SSBP2: variants seen among roughly 807,000 people sequenced by gnomAD.
SSBP2 encodes single-stranded DNA-binding protein 2.
Under a neutral mutation model 61.8 loss-of-function variants are expected in SSBP2, and 17 were observed. The observed-to-expected ratio is 0.28, with a 90% CI of 0.19 to 0.41. The LOEUF is 0.41. Ranked by LOEUF, SSBP2 falls within the 10% of genes least tolerant of loss-of-function variation. The pLI is 1.00. For missense variants in SSBP2, 310 were observed against 458.7 expected (o/e 0.68, Z 2.96); for synonymous variants, 139 against 141.3 (o/e 0.98, Z 0.12).
chr5:81,570,455 GT>G (rs1380247148), intron 4 of SSBP2, among the ~76,000 whole-genome samples: 3 of 152,186 alleles, frequency 2.0e-5, no homozygotes, highest in Non-Finnish European at 4.4e-5. Flanking sequence ...AGAACTATGT[GT>G]AATGAACAAT....
At position 81,483,679 on chromosome 5, in the gene SSBP2, C is replaced by T. The variant is rs144742881; in HGVS notation, c.432+5571G>A. Among the ~76,000 whole-genome samples the T allele has an allele frequency of 8.9e-3, 1,357 of 151,966 alleles. 21 individuals carry two copies. The highest frequency in any genetic ancestry group is 0.031 in the African/African-American group (1,273 of 41,442). On this transcript the variant is annotated intron_variant, in intron 6 of 16. Transcript: ENST00000320672. ...CCACTGTCATTTTATTCCTCTAAAACGACAATATCAACACAGAAGATATTA... is the reference window on the plus strand; with the variant it reads ...CCACTGTCATTTTATTCCTCTAAAATGACAATATCAACACAGAAGATATTA...
At chr5:81,587,796 A>G (rs191605517) in intron 4 of SSBP2, among the ~76,000 whole-genome samples, 3 of 151,862 alleles carry the variant, frequency 2.0e-5, no homozygotes. Context: ...AATGCTTGAA[A>G]CAGAATAAAC....
rs1310080804 is a variant in SSBP2, at chr5:81,432,905, G to A, written c.958-4222C>T. 3.5e-4 allele frequency among the ~76,000 whole-genome samples: 52 copies of A among 148,596 alleles called. No homozygotes were observed. In the South Asian group the frequency reaches 9.3e-3, roughly 26 times the overall value. On this transcript the variant is annotated intron_variant, in intron 15 of 16. Coordinates refer to ENST00000320672, the MANE Select transcript of SSBP2 (RefSeq NM_012446.5). ...TGGGAAGTGAGGAGCCCCTCTGCCC[G>A]GCCAGCCACCCCGTCCGGGAGGGAG... is the stretch of plus-strand genomic sequence containing the variant.
At chr5:81,580,715 T>TA (rs1774575865) in intron 4 of SSBP2, among the ~76,000 whole-genome samples, 1 of 149,108 alleles carries the variant, frequency 6.7e-6, no homozygotes, top group Non-Finnish European at 1.5e-5. Flanking sequence ...GGAAAACATT[T>TA]TAACTGGAAT....
intron 4 of SSBP2, among the ~76,000 whole-genome samples, chr5:81,588,313 T>C (rs1373857917): frequency 2.0e-5 from 3 of 151,558 alleles, no homozygotes; most frequent in African/African-American, 7.3e-5. Context: ...TATAAAGATG[T>C]AGATCACAAT....
At chr5:81,543,606 G>T (rs931134419) in intron 4 of SSBP2, among the ~76,000 whole-genome samples, 1 of 152,052 alleles carries the variant, frequency 6.6e-6, no homozygotes, top group African/African-American at 2.4e-5. Flanking sequence ...TCAGCATCAT[G>T]CAATACATCC....
intron 1 of SSBP2, among the ~76,000 whole-genome samples, chr5:81,651,404 T>C (rs1053635127): frequency 1.3e-5 from 2 of 152,196 alleles, no homozygotes; most frequent in Non-Finnish European, 2.9e-5. Flanking sequence ...AAGAGAAAGC[T>C]TGTACAAATT....
intron 6 of SSBP2, among the ~76,000 whole-genome samples, chr5:81,487,776 TA>T (rs961892798): frequency 7.2e-4 from 109 of 151,398 alleles, no homozygotes; most frequent in African/African-American, 2.6e-3. Flanking sequence ...TTGTTCATCT[TA>T]AAACCAAAAA....
At chr5:81,493,638 C>A (rs1767061652) in intron 5 of SSBP2, among the ~76,000 whole-genome samples, 1 of 152,040 alleles carries the variant, frequency 6.6e-6, no homozygotes, top group Non-Finnish European at 1.5e-5. Flanking sequence ...TGCCTGTAGT[C>A]CCAGCTACTT....
intron 9 of SSBP2, among the ~76,000 whole-genome samples, chr5:81,463,366 A>G (rs936266320): frequency 3.3e-5 from 5 of 152,204 alleles, no homozygotes; most frequent in East Asian, 1.9e-4. Flanking sequence ...AAATTTCTAT[A>G]TAAGTATGGT....
intron 4 of SSBP2, among the ~76,000 whole-genome samples, chr5:81,603,450 A>T (rs1347046474): frequency 6.6e-6 from 1 of 152,184 alleles, no homozygotes; most frequent in Non-Finnish European, 1.5e-5. Flanking sequence ...GTTACATACC[A>T]TCACTTCCAC....
intron 1 of SSBP2, among the ~76,000 whole-genome samples, chr5:81,715,383 G>A (rs1389660911): frequency 6.6e-6 from 1 of 152,148 alleles, no homozygotes; most frequent in African/African-American, 2.4e-5. Flanking sequence ...AAAATAAAGA[G>A]TCCAAGATAA....
At chr5:81,489,480 A>C (rs1766692767) in intron 5 of SSBP2, among the ~76,000 whole-genome samples, 171 bp from the exon 6 acceptor site, 1 of 152,210 alleles carries the variant, frequency 6.6e-6, no homozygotes. Context: ...CCATCCCATT[A>C]CTTATTTTGT....
intron 10 of SSBP2, among the ~76,000 whole-genome samples, chr5:81,460,604 T>G (rs1764469576): frequency 6.6e-6 from 1 of 152,212 alleles, no homozygotes; most frequent in Non-Finnish European, 1.5e-5. Flanking sequence ...AATATGCATT[T>G]GCTTTCTGGG....
chr5:81,691,509 A>T (rs1249423748), intron 1 of SSBP2, among the ~76,000 whole-genome samples: 1 of 152,086 alleles, frequency 6.6e-6, no homozygotes. Flanking sequence ...CTGCACCAAG[A>T]TGAAATCCAA....
In SSBP2 at chr5:81,606,090, C is replaced by A. The variant is rs114278411; in HGVS notation, c.282+9383G>T. On this transcript the variant is annotated intron_variant, in intron 4 of 16. Coordinates refer to ENST00000320672, the MANE Select transcript of SSBP2 (RefSeq NM_012446.5). The stretch of plus-strand genomic sequence containing the variant: ...ATCCAACTAGATGCACAATTTTGAT[C>A]CAGGAAAATCTAGGAGTTGGCTAAG... Among the ~76,000 whole-genome samples the A allele has an allele frequency of 6.1e-3, 923 of 152,152 alleles. 8 individuals carry two copies. Among genetic ancestry groups the A allele is most frequent in the African/African-American group, 0.021 (859 of 41,524 alleles).
chr5:81,470,222 C>T (rs894527967), intron 8 of SSBP2, among the ~76,000 whole-genome samples: 1 of 151,780 alleles, frequency 6.6e-6, no homozygotes, highest in Admixed American at 6.6e-5. Context: ...TGGTTAATCA[C>T]GTGGCACTTA....
intron 1 of SSBP2, among the ~76,000 whole-genome samples, chr5:81,736,038 C>G (rs924950011): frequency 2.0e-5 from 3 of 152,124 alleles, no homozygotes; most frequent in African/African-American, 7.2e-5. Flanking sequence ...GTGGGCCCCA[C>G]TGGCCTCAGG....
At chr5:81,699,522 A>C (rs1283908002) in intron 1 of SSBP2, among the ~76,000 whole-genome samples, 1 of 152,136 alleles carries the variant, frequency 6.6e-6, no homozygotes, top group Non-Finnish European at 1.5e-5. Context: ...ATAAGAAATA[A>C]CTCCTCATCC....
Sources: allele counts gnomAD v4.1 joint callset (sites outside exome capture counted in the v4.1 genomes callset), GRCh38; gene constraint gnomAD v4.1.1; transcripts MANE v1.5; gene names NCBI Gene and HGNC (gene_info 2026-07-23, HGNC 2026-07-21).